Variants in PACRG observed in about 807,000 individuals in gnomAD.
PACRG encodes parkin coregulated.
A neutral mutation model predicts 29.7 loss-of-function variants in PACRG; 29 were observed. The ratio of observed to expected loss-of-function variants is 0.98; its 90% CI spans 0.73 to 1.33. The LOEUF is 1.33. Ranked by LOEUF, PACRG falls within the 40% of genes most tolerant of loss-of-function variation. The probability of loss-of-function intolerance (pLI) is 0.00; values close to 1 mark genes in which losing one functional copy is unlikely to be tolerated. For synonymous variants in PACRG, 116 were observed against 118.7 expected, an observed-to-expected ratio of 0.98 and a Z score of 0.15; for missense variants, 279 against 316.2, an observed-to-expected ratio of 0.88 and a Z score of 0.89.
intron 2 of PACRG, among the ~76,000 whole-genome samples, chr6:162,972,292 T>G (rs748280372): frequency 2.0e-5 from 3 of 152,168 alleles, no homozygotes; most frequent in Non-Finnish European, 4.4e-5. Context: ...GATTGAAGCT[T>G]CTTAAGGCCA....
At position 163,132,526 on chromosome 6, in the gene PACRG, C is replaced by T. The variant is rs139824128; in HGVS notation, c.613+43118C>T. On this transcript the variant is annotated intron_variant, in intron 4 of 4. Transcript: ENST00000366888. The stretch of plus-strand genomic sequence containing the variant: ...TCTAAGAATCTTTGAGCAATTTGTG[C>T]GTGCCCTGTGGTTAATACAGCCTAG... Among the ~76,000 whole-genome samples the T allele has an allele frequency of 1.4e-4, 22 of 152,256 alleles. No individual in the cohort carries two copies. The East Asian group carries it at 1.7e-3, about 12-fold the overall frequency.
At chr6:163,100,303 G>C (rs1468199508) in intron 4 of PACRG, among the ~76,000 whole-genome samples, 3 of 152,144 alleles carry the variant, frequency 2.0e-5, no homozygotes, top group African/African-American at 7.2e-5. Context: ...CACGCTCACC[G>C]TGAGAAACCC....
rs1779294956 is a variant in PACRG at position 163,175,366 on chromosome 6, C to T, written c.613+85958C>T. The stretch of plus-strand genomic sequence containing the variant: ...AAGCTTTGTTTGTTTGCAGAGGGAG[C>T]ATAGAGTGTTTACTCAAATGATGCA... On this transcript the variant is annotated intron_variant, in intron 4 of 4. Transcript: ENST00000366888. 2.0e-5 allele frequency among the ~76,000 whole-genome samples: 3 copies of T among 151,908 alleles called. 1 individual carries two copies. The South Asian group carries it at 6.3e-4, about 32-fold the overall frequency.
intron 1 of PACRG, among the ~76,000 whole-genome samples, chr6:162,732,487 G>A (rs1424130704): frequency 1.3e-5 from 2 of 152,112 alleles, no homozygotes; most frequent in African/African-American, 2.4e-5. Context: ...CTCTGTGTCC[G>A]GCTCAAACTC....
intron 2 of PACRG, among the ~76,000 whole-genome samples, chr6:162,832,080 C>T (rs1788822597): frequency 6.6e-6 from 1 of 152,186 alleles, no homozygotes; most frequent in African/African-American, 2.4e-5. Flanking sequence ...GAGGAATCAC[C>T]ACACTGTCTT....
chr6:163,073,877 A>G (rs1420550123), intron 3 of PACRG, among the ~76,000 whole-genome samples: 1 of 152,214 alleles, frequency 6.6e-6, no homozygotes, highest in East Asian at 1.9e-4. Context: ...CAAAACTATA[A>G]TGAGATATCT....
intron 4 of PACRG, among the ~76,000 whole-genome samples, chr6:163,201,567 T>C (rs1223546792): frequency 3.3e-5 from 5 of 152,132 alleles, no homozygotes; most frequent in African/African-American, 1.2e-4. Context: ...CCCCTACTCA[T>C]CCACCTCCTG....
intron 4 of PACRG, among the ~76,000 whole-genome samples, chr6:163,211,967 A>T (rs952439455): frequency 6.6e-6 from 1 of 152,144 alleles, no homozygotes; most frequent in Non-Finnish European, 1.5e-5. Context: ...GCCTAAGAAG[A>T]GTGAGGAAGA....
chr6:162,830,398 C>T (rs1788656146), intron 2 of PACRG, among the ~76,000 whole-genome samples: 1 of 152,172 alleles, frequency 6.6e-6, no homozygotes, highest in Non-Finnish European at 1.5e-5. Context: ...TCCAAGAAAA[C>T]AAAACTCCCA....
At chr6:163,209,223 A>G (rs948676851) in intron 4 of PACRG, among the ~76,000 whole-genome samples, 1 of 152,248 alleles carries the variant, frequency 6.6e-6, no homozygotes. Flanking sequence ...AGAGCATCTT[A>G]CCATCCAAAT....
chr6:163,134,108 T>A (rs959586640), intron 4 of PACRG, among the ~76,000 whole-genome samples: 7 of 152,350 alleles, frequency 4.6e-5, no homozygotes, highest in African/African-American at 1.7e-4. Context: ...TAAGGAAGAA[T>A]GGAAAGGGAA....
intron 2 of PACRG, among the ~76,000 whole-genome samples, chr6:162,881,963 G>A (rs192924020): frequency 7.5e-5 from 10 of 133,604 alleles, no homozygotes; most frequent in South Asian, 2.7e-4. Context: ...GAGATGGGTG[G>A]GGGGGGGCAC....
intron 2 of PACRG, among the ~76,000 whole-genome samples, chr6:162,980,884 AC>A (rs781130592): frequency 5.9e-4 from 90 of 152,136 alleles, no homozygotes; most frequent in Non-Finnish European, 4.9e-4. Context: ...GGGAGCCATT[AC>A]TTTCTTTTTT....
intron 2 of PACRG, among the ~76,000 whole-genome samples, chr6:162,999,675 A>T (rs1804405877): frequency 6.6e-6 from 1 of 152,264 alleles, no homozygotes; most frequent in Non-Finnish European, 1.5e-5. Context: ...CATTTTAATT[A>T]TAAAAATTAT....
At chr6:163,263,770 G>C (rs1585381662) in intron 4 of PACRG, among the ~76,000 whole-genome samples, 1 of 152,116 alleles carries the variant, frequency 6.6e-6, no homozygotes, top group Admixed American at 6.6e-5. Flanking sequence ...GTTTCATGTG[G>C]TATTACAGGA....
chr6:163,197,062 G>A (rs1780489219), intron 4 of PACRG, among the ~76,000 whole-genome samples: 1 of 152,176 alleles, frequency 6.6e-6, no homozygotes, highest in African/African-American at 2.4e-5. Context: ...AAAAAAGTAA[G>A]AAGAACTCGT....
At chr6:162,818,073 C>T (rs1787511595) in intron 2 of PACRG, among the ~76,000 whole-genome samples, 1 of 151,604 alleles carries the variant, frequency 6.6e-6, no homozygotes, top group Non-Finnish European at 1.5e-5. Context: ...TCTTGATTAT[C>T]AATGGTTGTA....
Position 163,095,466 on chromosome 6 carries a change from T to C in PACRG, c.613+6058T>C, listed in dbSNP as rs1007365973. 3 of 964,190 alleles carry C rather than the reference T, an allele frequency of 3.1e-6. No individual in the cohort carries two copies. The African/African-American group carries it at 5.3e-5, about 17-fold the overall frequency. The allele number at this position is 964,190 out of a possible 1,614,324, so 59.7% of individuals were successfully genotyped here. ...AGCTTCCTGGAGCCACGTAACAAAT[T>C]ACCATACACAGAATGGCTTAAACAA... On this transcript the variant is annotated intron_variant, in intron 4 of 4. Transcript: ENST00000366888.
chr6:163,123,581 C>T (rs144401611), intron 4 of PACRG, among the ~76,000 whole-genome samples: 14 of 152,232 alleles, frequency 9.2e-5, no homozygotes, highest in Non-Finnish European at 1.5e-4. Context: ...CTCTAGGCAC[C>T]GTGTTGTACA....
Sources: allele counts gnomAD v4.1 joint callset (sites outside exome capture counted in the v4.1 genomes callset), GRCh38; gene constraint gnomAD v4.1.1; transcripts MANE v1.5; gene names NCBI Gene and HGNC (gene_info 2026-07-23, HGNC 2026-07-21).